Variants in NOL4 observed in about 807,000 individuals in gnomAD.
NOL4 encodes the protein nucleolar protein 4.
In NOL4, 17 loss-of-function variants were observed where a neutral mutation model predicts 75.9. The ratio of observed to expected loss-of-function variants is 0.22; its 90% CI spans 0.15 to 0.34. The LOEUF (loss-of-function observed/expected upper bound fraction) is 0.34. Among genes scored for constraint, NOL4 ranks in the 10% least tolerant of loss-of-function variants. The pLI is 1.00. For missense variants in NOL4, 614 were observed against 793.5 expected (o/e 0.77, Z 2.72); for synonymous variants, 292 against 289.9 (o/e 1.01, Z -0.07).
At chr18:34,154,662 T>G (rs1412959152) in intron 1 of NOL4, among the ~76,000 whole-genome samples, 5 of 151,996 alleles carry the variant, frequency 3.3e-5, no homozygotes, top group Non-Finnish European at 7.4e-5. Flanking sequence ...GTTTTTTTTG[T>G]GCACCCATCA....
At chr18:33,951,209 G>A (rs2145663234) in intron 8 of NOL4, among the ~76,000 whole-genome samples, 1 of 152,258 alleles carries the variant, frequency 6.6e-6, no homozygotes, top group East Asian at 1.9e-4. Context: ...CAGTCAGGCT[G>A]TATGAGTAGT....
chr18:34,137,754 A>C (rs1235468154), intron 1 of NOL4, among the ~76,000 whole-genome samples: 1 of 144,114 alleles, frequency 6.9e-6, no homozygotes, highest in Admixed American at 7.1e-5. Flanking sequence ...ACGACTTGGT[A>C]AGCCAAAATC....
chr18:33,936,667 AAGCCC>A (rs1289625330), intron 9 of NOL4, among the ~76,000 whole-genome samples: 1 of 152,072 alleles, frequency 6.6e-6, no homozygotes, highest in Non-Finnish European at 1.5e-5. Flanking sequence ...CCTGCTGGGG[AAGCCC>A]TTAACTGGTG....
intron 10 of NOL4, among the ~76,000 whole-genome samples, chr18:33,881,625 C>A (rs1000056546): frequency 9.2e-5 from 14 of 151,902 alleles, no homozygotes; most frequent in Admixed American, 5.3e-4. Flanking sequence ...AATGGCCATA[C>A]TGCCCAAGGT....
chr18:34,059,623 C>T (rs562132168), intron 5 of NOL4, among the ~76,000 whole-genome samples: 5 of 152,256 alleles, frequency 3.3e-5, no homozygotes, highest in African/African-American at 1.2e-4. Flanking sequence ...AAACCCATAA[C>T]TTTCTCCTTG....
At chr18:33,954,281 C>T (rs2145699609) in intron 8 of NOL4, among the ~76,000 whole-genome samples, 1 of 152,154 alleles carries the variant, frequency 6.6e-6, no homozygotes, top group South Asian at 2.1e-4. Flanking sequence ...GGCACAATCC[C>T]CTTATTTTTT....
intron 8 of NOL4, among the ~76,000 whole-genome samples, chr18:33,949,537 T>G (rs1307283933): frequency 6.6e-6 from 1 of 152,000 alleles, no homozygotes; most frequent in Admixed American, 6.6e-5. Flanking sequence ...TTGTCTAAGA[T>G]GTAAATCAAT....
intron 6 of NOL4, among the ~76,000 whole-genome samples, chr18:33,996,212 A>G (rs1427240231): frequency 6.6e-6 from 1 of 151,744 alleles, no homozygotes; most frequent in East Asian, 1.9e-4. Context: ...GAAAAAAAAG[A>G]AAGAAAACCA....
chr18:33,914,752 C>G (rs544745537), intron 9 of NOL4, among the ~76,000 whole-genome samples: 19 of 152,100 alleles, frequency 1.2e-4, no homozygotes, highest in Admixed American at 6.6e-4. Flanking sequence ...TCTGGTCAGG[C>G]CAACTGTAAG....
intron 5 of NOL4, among the ~76,000 whole-genome samples, chr18:34,024,315 C>G (rs576089698): frequency 1.1e-4 from 16 of 150,032 alleles, no homozygotes; most frequent in Admixed American, 4.0e-4. Context: ...CCCAAATTCA[C>G]CACAATTTTC....
rs546196123 is a variant in NOL4 at position 34,130,190 on chromosome 18, T to C, written c.265-170A>G. The stretch of plus-strand genomic sequence containing the variant: ...TTCAATATTTTATGCATTACTTACA[T>C]ACAGAACTTGGAAAAACATGAGAGA... On this transcript the variant is annotated intron_variant, in intron 1 of 10. Coordinates refer to ENST00000261592, the MANE Select transcript of NOL4 (RefSeq NM_003787.5). Among the ~76,000 whole-genome samples, 25 of 152,202 alleles carry C rather than the reference T, an allele frequency of 1.6e-4. No homozygotes were observed. In the East Asian group the frequency reaches 4.6e-3, roughly 28 times the overall value.
intron 5 of NOL4, among the ~76,000 whole-genome samples, chr18:34,060,504 T>C (rs7241999): frequency 0.41 from 62,365 of 151,982 alleles, 12,963 homozygotes; most frequent in South Asian, 0.53. Context: ...CTGTATGTTA[T>C]TAATGGGTGG....
chr18:34,158,816 G>C (rs2030919367), intron 1 of NOL4, among the ~76,000 whole-genome samples: 1 of 152,168 alleles, frequency 6.6e-6, no homozygotes, highest in Non-Finnish European at 1.5e-5. Flanking sequence ...AATTAAACCA[G>C]CTGTCTGCTA....
intron 9 of NOL4, among the ~76,000 whole-genome samples, chr18:33,906,654 A>C (rs946793255): frequency 1.3e-5 from 2 of 152,214 alleles, no homozygotes; most frequent in Non-Finnish European, 2.9e-5. Context: ...TCTTTAATAT[A>C]TGTATCTGTT....
Position 33,900,735 on chromosome 18 carries a change from G to C in NOL4, c.1543-17311C>G, listed in dbSNP as rs148559345. Among the ~76,000 whole-genome samples, 981 of 152,258 alleles carry C rather than the reference G, an allele frequency of 6.4e-3. 11 individuals carry two copies. Among genetic ancestry groups the C allele is most frequent in the Middle Eastern group, 6.8e-3 (2 of 294 alleles). ...TGGGGAAAATAAAGTTTTGGCATAT[G>C]TTTTCAGACATAATTTGGATCCAGC... On this transcript the variant is annotated intron_variant, in intron 9 of 10. Transcript: ENST00000261592.
At chr18:34,200,960 TC>T (rs1452131716) in intron 1 of NOL4, among the ~76,000 whole-genome samples, 1 of 151,702 alleles carries the variant, frequency 6.6e-6, no homozygotes, top group Non-Finnish European at 1.5e-5. Context: ...AAAAAGAGGC[TC>T]ATTTTTGTCT....
intron 1 of NOL4, among the ~76,000 whole-genome samples, chr18:34,213,580 G>A (rs984395094): frequency 6.6e-6 from 1 of 152,138 alleles, no homozygotes; most frequent in South Asian, 2.1e-4. Flanking sequence ...GAGCCACTGC[G>A]CATGGCCTCT....
intron 9 of NOL4, among the ~76,000 whole-genome samples, chr18:33,893,110 T>C (rs1388862462): frequency 6.6e-6 from 1 of 152,154 alleles, no homozygotes; most frequent in East Asian, 1.9e-4. Flanking sequence ...TGATTAAAAA[T>C]CTATAAGAGA....
chr18:34,162,190 G>C (rs1244924842), intron 1 of NOL4, among the ~76,000 whole-genome samples: 2 of 152,048 alleles, frequency 1.3e-5, no homozygotes, highest in Admixed American at 6.6e-5. Context: ...AGAAAAGCAA[G>C]AGCAAACACA....
Sources: allele counts gnomAD v4.1 joint callset (sites outside exome capture counted in the v4.1 genomes callset), GRCh38; gene constraint gnomAD v4.1.1; transcripts MANE v1.5; gene names NCBI Gene and HGNC (gene_info 2026-07-23, HGNC 2026-07-21).